The following GPATCH1 variants were observed in gnomAD, a reference collection of about 807,000 sequenced individuals.
The protein encoded by GPATCH1 is G patch domain-containing protein 1.
Under a neutral mutation model 114.9 loss-of-function variants are expected in GPATCH1, and 73 were observed. The ratio of observed to expected loss-of-function variants is 0.64; its 90% CI spans 0.53 to 0.77. The LOEUF is 0.77. Ranked by LOEUF, GPATCH1 falls within the 30% of genes least tolerant of loss-of-function variation. GPATCH1 has a pLI of 0.00. For missense variants in GPATCH1, 1,058 were observed against 1,144.3 expected, an observed-to-expected ratio of 0.92 and a Z score of 1.09; for synonymous variants, 391 against 428.4, an observed-to-expected ratio of 0.91 and a Z score of 1.08.
chr19:33,111,726 GCT>G lies in GPATCH1; in HGVS notation c.1591_1592del (p.Leu531GlyfsTer16). On this transcript the variant is annotated frameshift_variant, in exon 12 of 20. Coordinates refer to ENST00000170564, the MANE Select transcript of GPATCH1 (RefSeq NM_018025.3). LOFTEE classifies it high-confidence loss of function. ...CTTCTTGTTCTCTGCCCCCGCAGAT[GCT>G]CTGGAACGCTGTCTGGACCCCAGCA... Reference protein sequence around the residue: ...LVHMKQGQKDALERCLDPSMT... With the variant: ...LVHMKQGQKDXLERCLDPSMT... 6.2e-7 allele frequency: 1 copy of G among 1,613,464 alleles called. No individual in the cohort carries two copies. The highest frequency in any genetic ancestry group is 8.5e-7 in the Non-Finnish European group (1 of 1,179,898).
intron 16 of GPATCH1, 77 bp from the exon 17 acceptor site, chr19:33,118,933 G>A: frequency 2.4e-6 from 2 of 828,554 alleles, no homozygotes; most frequent in African/African-American, 1.7e-5. Flanking sequence ...TTATCTGGTG[G>A]CAAAAGACAT....
rs1403399785 is a variant in GPATCH1, at chr19:33,117,852, G to C, written c.2224G>C (p.Ala742Pro). 8 of 1,613,682 alleles carry C rather than the reference G, an allele frequency of 5.0e-6. No individual in the cohort carries two copies. Among genetic ancestry groups the C allele is most frequent in the Admixed American group, 1.7e-5 (1 of 59,988 alleles). ...CGTCAACAAAGATGTGGACGCACAGGCTGAAGGAGAAGGGAGCCGCCCATC... is the reference window on the plus strand; with the variant it reads ...CGTCAACAAAGATGTGGACGCACAGCCTGAAGGAGAAGGGAGCCGCCCATC... ...QTVNKDVDAQ[A>P]EGEGSRPSMD... Residue 742 changes from alanine to proline, a missense_variant, in exon 16 of 20, where the codon GCT (alanine) becomes CCT (proline). By Grantham distance (27) the Ala-to-Pro change is conservative. Around this residue, in one of 3 missense-constraint regions of GPATCH1, gnomAD observed 893 missense variants for 977.4 expected, o/e 0.91. Transcript: ENST00000170564.
chr19:33,100,492 G>C (rs570240637), intron 8 of GPATCH1, among the ~76,000 whole-genome samples: 7 of 150,440 alleles, frequency 4.7e-5, no homozygotes, highest in Non-Finnish European at 5.9e-5. Flanking sequence ...GGAGGCTGAG[G>C]CACGAGAATC....
chr19:33,096,565 A>G, intron 7 of GPATCH1, 119 bp downstream of exon 7: 1 of 776,570 alleles, frequency 1.3e-6, no homozygotes, highest in Non-Finnish European at 2.0e-6. Context: ...CTCAAGTGGA[A>G]TCAGGTCAAA....
In GPATCH1 at chr19:33,106,891, C is replaced by T. The variant is rs772224182; in HGVS notation, c.1277C>T (p.Pro426Leu). ...CGGGCTGAGTTGCTTGGAGAGACGCCTATTCAAGGTATGTGCCATGGAGAA... is the reference window on the plus strand; with the variant it reads ...CGGGCTGAGTTGCTTGGAGAGACGCTTATTCAAGGTATGTGCCATGGAGAA... ...SKRAELLGETPIQGSATSVLE... is the reference protein window; with the variant it reads ...SKRAELLGETLIQGSATSVLE... The change falls in exon 10 of 20, where the codon CCT becomes CTT. Residue 426 changes from proline (P) to leucine (L), a missense_variant. Physicochemically the swap from Pro to Leu is moderately conservative, Grantham distance 98 (BLOSUM62 -3). This residue lies in a region of GPATCH1 where 893 missense variants were observed against 977.4 expected (regional missense o/e 0.91). Transcript: ENST00000170564. The T allele has an allele frequency of 1.4e-5, 23 of 1,611,588 alleles. No individual in the cohort carries two copies. The highest frequency in any genetic ancestry group is 1.9e-5 in the Non-Finnish European group (22 of 1,177,932).
intron 6 of GPATCH1, 96 bp from the exon 7 acceptor site, chr19:33,096,111 T>A (rs1972655013): frequency 6.4e-6 from 8 of 1,246,020 alleles, no homozygotes; most frequent in African/African-American, 1.5e-5. Context: ...CTAATTGTTC[T>A]GTGTGGCATT....
rs1255038463 is a variant in GPATCH1 at position 33,081,202 on chromosome 19, G to C, written c.9G>C (p.Ala3=). MA[A]RDSDSEEDLV... ...GGGCCCGGAAGAGCAGGATGGCGGC[G>C]CGGGACAGTGACAGCGAAGAAGATC... The change falls in exon 1 of 20, where the codon GCG becomes GCC. Residue 3 remains alanine, a synonymous_variant. Coordinates refer to ENST00000170564, the MANE Select transcript of GPATCH1 (RefSeq NM_018025.3). The C allele has an allele frequency of 1.3e-6, 2 of 1,551,230 alleles. No homozygotes were observed. The highest frequency in any genetic ancestry group is 1.7e-6 in the Non-Finnish European group (2 of 1,146,900).
intron 15 of GPATCH1, among the ~76,000 whole-genome samples, chr19:33,116,657 G>A (rs972316341): frequency 1.3e-5 from 2 of 152,156 alleles, no homozygotes; most frequent in African/African-American, 4.8e-5. Context: ...AGCCTCCCGA[G>A]TAGCTGGGAC....
chr19:33,089,170 G>A lies in GPATCH1; in HGVS notation c.208+902G>A, dbSNP rs192427607. Among the ~76,000 whole-genome samples the A allele has an allele frequency of 8.3e-3, 1,269 of 152,252 alleles. 19 individuals are homozygous for A. The highest frequency in any genetic ancestry group is 0.011 in the Non-Finnish European group (746 of 68,024). On this transcript the variant is annotated intron_variant, in intron 2 of 19. Transcript: ENST00000170564. Reference sequence around the variant, plus strand: ...CATTCACGAAATACTCTTAAACAGAGTCTTTCAGTTAATCATTGACTGTCT... The same window carrying A: ...CATTCACGAAATACTCTTAAACAGAATCTTTCAGTTAATCATTGACTGTCT...
At chr19:33,112,763 T>C (rs1972871863) in intron 13 of GPATCH1, 150 bp downstream of exon 13, 5 of 540,156 alleles carry the variant, frequency 9.3e-6, no homozygotes, top group African/African-American at 1.9e-5. Flanking sequence ...TTTATAGATT[T>C]GCTTTGATAA....
chr19:33,123,137 C>T (rs929459789), intron 17 of GPATCH1, among the ~76,000 whole-genome samples: 4 of 151,466 alleles, frequency 2.6e-5, no homozygotes, highest in East Asian at 1.9e-4. Context: ...CGGTGGCTCA[C>T]GCCTGTAATC....
In GPATCH1 at chr19:33,097,795, T is replaced by G; in HGVS notation, c.893T>G (p.Ile298Ser). ...VGALEEEDDD[I>S]YATETLSKYD... The stretch of plus-strand genomic sequence containing the variant: ...GCCCTGGAAGAGGAAGATGATGATA[T>G]CTATGCCACAGAAACTCTATCCAAG... The change falls in exon 8 of 20, where the codon ATC (isoleucine) becomes AGC (serine). Residue 298 changes from isoleucine (I) to serine (S), a missense_variant. Ile to Ser is a moderately radical substitution (Grantham distance 142). Coordinates refer to ENST00000170564, the MANE Select transcript of GPATCH1 (RefSeq NM_018025.3). The G allele has an allele frequency of 6.2e-7, 1 of 1,613,942 alleles. No individual in the cohort carries two copies. The highest frequency in any genetic ancestry group is 8.5e-7 in the Non-Finnish European group (1 of 1,179,836).
At chr19:33,100,090 T>C (rs1038840886) in intron 8 of GPATCH1, 5 of 151,970 alleles carry the variant, frequency 3.3e-5, no homozygotes, top group Non-Finnish European at 1.5e-5. Flanking sequence ...TTTTAAATTC[T>C]CATTTTTTTT....
At chr19:33,117,769 TCC>T in intron 15 of GPATCH1, 54 bp from the exon 16 acceptor site, 1 of 1,221,006 alleles carries the variant, frequency 8.2e-7, no homozygotes, top group Non-Finnish European at 1.2e-6. Flanking sequence ...CTAGAATGTC[TCC>T]TCCCTTTTAC....
intron 10 of GPATCH1, among the ~76,000 whole-genome samples, chr19:33,109,164 C>T (rs1470098684): frequency 6.6e-6 from 1 of 151,970 alleles, no homozygotes; most frequent in Non-Finnish European, 1.5e-5. Flanking sequence ...TTGCAGTGAG[C>T]CATGATCACA....
Position 33,101,475 on chromosome 19 carries a change from T to C in GPATCH1, c.1001-20T>C. Reference sequence around the variant, plus strand: ...TAATCATCTCTACTTCTGGAATTAATCTATGACATCATTTTGTAGAATCAG... The same window carrying C: ...TAATCATCTCTACTTCTGGAATTAACCTATGACATCATTTTGTAGAATCAG... On this transcript the variant is annotated intron_variant, in intron 8 of 19. Transcript: ENST00000170564. 7.2e-7 allele frequency: 1 copy of C among 1,382,580 alleles called. No homozygotes were observed. Among genetic ancestry groups the C allele is most frequent in the Non-Finnish European group, 1.0e-6 (1 of 972,606 alleles). The allele number at this position is 1,382,580 out of a possible 1,614,324, so 85.6% of individuals were successfully genotyped here. A position where few individuals can be genotyped will look rare whatever the true frequency, so the allele number is the denominator to read the frequency against.
intron 2 of GPATCH1, among the ~76,000 whole-genome samples, chr19:33,088,488 C>T (rs537077940): frequency 4.0e-5 from 6 of 150,882 alleles, no homozygotes; most frequent in South Asian, 2.1e-4. Context: ...GGATAACAGG[C>T]GCATGCCACT....
At position 33,117,864 on chromosome 19, in the gene GPATCH1, G is replaced by A; in HGVS notation, c.2236G>A (p.Gly746Arg). ...TGTGGACGCACAGGCTGAAGGAGAA[G>A]GGAGCCGCCCATCCATGGACTTATT... ...KDVDAQAEGE[G>R]SRPSMDLFRA... The change falls in exon 16 of 20, where the codon GGG becomes AGG. Residue 746 changes from glycine to arginine, a missense_variant. Physicochemically the swap from Gly to Arg is moderately radical, Grantham distance 125. This residue lies in a region of GPATCH1 where 893 missense variants were observed against 977.4 expected (regional missense o/e 0.91). Transcript: ENST00000170564. 6.2e-7 allele frequency: 1 copy of A among 1,613,912 alleles called. No homozygotes were observed.
chr19:33,107,801 G>T (rs1006107966), intron 10 of GPATCH1, among the ~76,000 whole-genome samples: 2 of 151,840 alleles, frequency 1.3e-5, no homozygotes, highest in African/African-American at 4.8e-5. Flanking sequence ...TCCACTGCTC[G>T]GACCAGGATG....
Sources: allele counts gnomAD v4.1 joint callset (sites outside exome capture counted in the v4.1 genomes callset), GRCh38; gene constraint gnomAD v4.1.1; regional missense constraint gnomAD v4.1.1; transcripts MANE v1.5; gene names NCBI Gene and HGNC (gene_info 2026-07-23, HGNC 2026-07-21).